Variants in CNTNAP2 observed in about 807,000 individuals in gnomAD.
CNTNAP2 encodes the protein contactin associated protein 2, also known as contactin-associated protein-like 2.
Under a neutral mutation model 155.2 loss-of-function variants are expected in CNTNAP2, and 98 were observed. The observed-to-expected ratio is 0.63, with a 90% CI of 0.54 to 0.75. The LOEUF (loss-of-function observed/expected upper bound fraction) is 0.75. CNTNAP2 is among the 30% of genes least tolerant of loss of function. The pLI is 0.00. For missense variants in CNTNAP2, 1,727 were observed against 1,688.1 expected (o/e 1.02, Z -0.40); for synonymous variants, 651 against 631.2 (o/e 1.03, Z -0.47).
intron 21 of CNTNAP2, among the ~76,000 whole-genome samples, chr7:148,355,703 A>G (rs1798501863): frequency 6.6e-6 from 1 of 152,242 alleles, no homozygotes; most frequent in South Asian, 2.1e-4. Flanking sequence ...CTGTGAATCA[A>G]CATGGATGTA....
At chr7:147,917,665 T>C (rs1800183227) in intron 14 of CNTNAP2, among the ~76,000 whole-genome samples, 1 of 152,226 alleles carries the variant, frequency 6.6e-6, no homozygotes, top group Non-Finnish European at 1.5e-5. Context: ...GGCATGAATA[T>C]GCCTTCCTAA....
intron 1 of CNTNAP2, among the ~76,000 whole-genome samples, chr7:146,407,767 A>C (rs1795813031): frequency 1.3e-5 from 2 of 151,960 alleles, no homozygotes; most frequent in African/African-American, 4.8e-5. Context: ...TGTAATGTGG[A>C]TCTTCTTCTA....
chr7:148,159,948 C>T (rs1462884540), intron 17 of CNTNAP2, among the ~76,000 whole-genome samples: 6 of 152,064 alleles, frequency 3.9e-5, no homozygotes, highest in Non-Finnish European at 1.5e-5. Flanking sequence ...GCTCTTAAAA[C>T]TACCACACTG....
chr7:148,063,438 CCTTTTTT>C (rs1268230493), intron 15 of CNTNAP2, among the ~76,000 whole-genome samples: 3 of 151,958 alleles, frequency 2.0e-5, no homozygotes, highest in African/African-American at 7.2e-5. Context: ...GGTGCTCTTT[CCTTTTTT>C]CTTTTTTCTT....
chr7:146,345,881 T>C (rs758651323), intron 1 of CNTNAP2, among the ~76,000 whole-genome samples: 1 of 152,128 alleles, frequency 6.6e-6, no homozygotes, highest in Non-Finnish European at 1.5e-5. Flanking sequence ...TAGTCACTAG[T>C]CTCACAGTTC....
At chr7:146,436,632 C>T (rs1220863622) in intron 1 of CNTNAP2, among the ~76,000 whole-genome samples, 1 of 151,836 alleles carries the variant, frequency 6.6e-6, no homozygotes, top group Non-Finnish European at 1.5e-5. Flanking sequence ...TTAGAAGAAA[C>T]AAAAACACAG....
At chr7:147,873,141 G>A (rs991064400) in intron 13 of CNTNAP2, among the ~76,000 whole-genome samples, 12 of 152,082 alleles carry the variant, frequency 7.9e-5, no homozygotes, top group African/African-American at 2.4e-4. Flanking sequence ...TCCAGCTTGG[G>A]ATCAAGAAAA....
intron 16 of CNTNAP2, among the ~76,000 whole-genome samples, chr7:148,129,689 C>T (rs557801120): frequency 1.3e-5 from 2 of 152,190 alleles, no homozygotes; most frequent in Non-Finnish European, 2.9e-5. Context: ...TGACCAGAGA[C>T]CAGTCCTTGA....
At chr7:148,179,540 T>TAGGGAGG (rs1794999323) in intron 18 of CNTNAP2, among the ~76,000 whole-genome samples, 1 of 131,024 alleles carries the variant, frequency 7.6e-6, no homozygotes, top group African/African-American at 3.0e-5. Flanking sequence ...AGAGAGGGAG[T>TAGGGAGG]GAGAGAGGGA....
At chr7:148,166,024 C>A (rs73472299) in intron 17 of CNTNAP2, among the ~76,000 whole-genome samples, 1 of 151,900 alleles carries the variant, frequency 6.6e-6, no homozygotes, top group Non-Finnish European at 1.5e-5. Flanking sequence ...TCTCCATGGA[C>A]GAGCTCATGA....
At chr7:147,795,073 T>C (rs1797871989) in intron 13 of CNTNAP2, among the ~76,000 whole-genome samples, 1 of 151,988 alleles carries the variant, frequency 6.6e-6, no homozygotes, top group Admixed American at 6.6e-5. Flanking sequence ...TTATTTTCTA[T>C]AATTTATTTT....
At chr7:146,939,234 A>G (rs758042598) in intron 3 of CNTNAP2, among the ~76,000 whole-genome samples, 5 of 152,140 alleles carry the variant, frequency 3.3e-5, no homozygotes, top group Non-Finnish European at 7.4e-5. Flanking sequence ...TTCTTGTTCT[A>G]TAGTATGTTT....
chr7:148,266,414 C>T (rs561438338), intron 20 of CNTNAP2, among the ~76,000 whole-genome samples: 13 of 152,264 alleles, frequency 8.5e-5, no homozygotes, highest in Non-Finnish European at 1.5e-4. Flanking sequence ...ACTTTGTCCA[C>T]GGGCAACAGG....
At chr7:148,203,121 T>G (rs889064317) in intron 18 of CNTNAP2, among the ~76,000 whole-genome samples, 1 of 152,204 alleles carries the variant, frequency 6.6e-6, no homozygotes, top group African/African-American at 2.4e-5. Context: ...AAACCACTAT[T>G]GAAAAATTAT....
intron 11 of CNTNAP2, among the ~76,000 whole-genome samples, chr7:147,489,767 C>T (rs1293158857): frequency 1.3e-5 from 2 of 152,152 alleles, no homozygotes; most frequent in African/African-American, 4.8e-5. Flanking sequence ...AGGCACGTGC[C>T]ACCATGCCCA....
At chr7:147,985,072 G>T (rs982397293) in intron 15 of CNTNAP2, among the ~76,000 whole-genome samples, 2 of 151,906 alleles carry the variant, frequency 1.3e-5, no homozygotes, top group East Asian at 3.9e-4. Flanking sequence ...CCGAAATCAC[G>T]CCATTGTACT....
intron 1 of CNTNAP2, among the ~76,000 whole-genome samples, chr7:146,309,490 A>C (rs535131028): frequency 6.6e-6 from 1 of 152,176 alleles, no homozygotes; most frequent in African/African-American, 2.4e-5. Flanking sequence ...ACTAATTCTA[A>C]ATCAGACTTC....
intron 1 of CNTNAP2, among the ~76,000 whole-genome samples, chr7:146,649,405 T>C (rs1799867916): frequency 6.6e-6 from 1 of 152,158 alleles, no homozygotes; most frequent in Admixed American, 6.6e-5. Context: ...TTATGATACA[T>C]GTGACATGAT....
chr7:147,978,762 G>A (rs970892482), intron 15 of CNTNAP2, among the ~76,000 whole-genome samples: 1 of 152,018 alleles, frequency 6.6e-6, no homozygotes, highest in African/African-American at 2.4e-5. Context: ...CGTGGTTTAG[G>A]CAACTCTCCT....
Sources: gnomAD v4.1 joint callset for allele counts (sites outside exome capture counted in the v4.1 genomes callset) on GRCh38, gnomAD v4.1.1 for gene constraint, MANE v1.5 for transcripts, NCBI Gene and HGNC (gene_info 2026-07-23, HGNC 2026-07-21) for gene names.